The following CENPP variants were observed in gnomAD, a reference collection of about 807,000 sequenced individuals.
The protein encoded by CENPP is centromere protein P.
In CENPP, 24 loss-of-function variants were observed where a neutral mutation model predicts 35.6. The observed-to-expected ratio is 0.67, with a 90% confidence interval of 0.49 to 0.95. The LOEUF (loss-of-function observed/expected upper bound fraction) is 0.95. CENPP is among the 40% of genes least tolerant of loss of function. CENPP has a pLI of 0.00. For missense variants in CENPP, 332 were observed against 345.3 expected, an observed-to-expected ratio of 0.96 and a Z score of 0.31; for synonymous variants, 120 against 125.5, an observed-to-expected ratio of 0.96 and a Z score of 0.29.
At chr9:92,573,905 G>A (rs572234083) in intron 5 of CENPP, among the ~76,000 whole-genome samples, 32 of 152,310 alleles carry the variant, frequency 2.1e-4, no homozygotes, top group African/African-American at 5.8e-4. Flanking sequence ...AGCCAGGCGC[G>A]GGATGTAATC....
intron 5 of CENPP, among the ~76,000 whole-genome samples, chr9:92,430,576 G>A (rs942785383): frequency 6.6e-6 from 1 of 151,956 alleles, no homozygotes; most frequent in African/African-American, 2.4e-5. Context: ...CGCTAGTCTC[G>A]AACTCCTGAA....
chr9:92,412,975 C>CTTTTTTTTT (rs35323105), intron 5 of CENPP, among the ~76,000 whole-genome samples: 2 of 45,244 alleles, frequency 4.4e-5, no homozygotes, highest in Non-Finnish European at 7.9e-5. Flanking sequence ...TGTAACTAAG[C>CTTTTTTTTT]TTTTTTTTTT....
At chr9:92,522,906 A>G in intron 5 of CENPP, 2 of 1,554,304 alleles carry the variant, frequency 1.3e-6, no homozygotes, top group Non-Finnish European at 1.7e-6. Flanking sequence ...AGAATGAAAC[A>G]ATATTTCAAA....
At chr9:92,548,106 T>C (rs575226585) in intron 5 of CENPP, among the ~76,000 whole-genome samples, 24 of 152,298 alleles carry the variant, frequency 1.6e-4, no homozygotes, top group Middle Eastern at 3.4e-3. Context: ...TAAAAATAAA[T>C]AGTGGTTTGG....
intron 5 of CENPP, among the ~76,000 whole-genome samples, chr9:92,388,165 C>T (rs1842511989): frequency 6.6e-6 from 1 of 151,236 alleles, no homozygotes; most frequent in Non-Finnish European, 1.5e-5. Flanking sequence ...TTGATCAGCT[C>T]CTTTTTTTTT....
At chr9:92,431,696 TC>T (rs1844113454) in intron 5 of CENPP, among the ~76,000 whole-genome samples, 1 of 152,088 alleles carries the variant, frequency 6.6e-6, no homozygotes, top group Non-Finnish European at 1.5e-5. Flanking sequence ...TGCCTCAGCC[TC>T]CCGAGTAGCT....
intron 5 of CENPP, among the ~76,000 whole-genome samples, chr9:92,446,445 A>G (rs938670164): frequency 1.2e-4 from 19 of 152,302 alleles, no homozygotes; most frequent in African/African-American, 4.6e-4. Flanking sequence ...CATTGGGGAA[A>G]AATGCCGTTT....
intron 5 of CENPP, among the ~76,000 whole-genome samples, chr9:92,446,850 AAG>A (rs920207350): frequency 1.3e-5 from 2 of 151,820 alleles, no homozygotes; most frequent in African/African-American, 4.8e-5. Context: ...GAAAAACAGA[AAG>A]AGAGTGAGGG....
At chr9:92,395,664 G>A in intron 5 of CENPP, among the ~76,000 whole-genome samples, 1 of 152,156 alleles carries the variant, frequency 6.6e-6, no homozygotes, top group Non-Finnish European at 1.5e-5. Context: ...CCACATCCTT[G>A]CCAACATTTG....
At chr9:92,380,593 T>A (rs1390627652) in intron 5 of CENPP, among the ~76,000 whole-genome samples, 1 of 152,238 alleles carries the variant, frequency 6.6e-6, no homozygotes, top group African/African-American at 2.4e-5. Context: ...TTTATTCTAT[T>A]TGGTTGAGCT....
intron 5 of CENPP, among the ~76,000 whole-genome samples, chr9:92,578,755 G>A (rs1481232624): frequency 5.9e-5 from 9 of 151,706 alleles, no homozygotes; most frequent in Non-Finnish European, 1.2e-4. Flanking sequence ...TAGGTTGCCT[G>A]TTCACTCTGA....
chr9:92,335,326 T>C (rs1195690289), intron 2 of CENPP, among the ~76,000 whole-genome samples: 4 of 152,174 alleles, frequency 2.6e-5, no homozygotes, highest in Admixed American at 1.3e-4. Flanking sequence ...AGCCTAGAGA[T>C]TGGACAGATT....
intron 5 of CENPP, among the ~76,000 whole-genome samples, chr9:92,466,024 G>C (rs1478909284): frequency 1.3e-5 from 2 of 151,972 alleles, no homozygotes; most frequent in African/African-American, 4.8e-5. Flanking sequence ...GTAGAGACAG[G>C]GTTTTACTAT....
intron 5 of CENPP, among the ~76,000 whole-genome samples, chr9:92,482,859 T>G (rs1470437420): frequency 6.6e-6 from 1 of 152,006 alleles, no homozygotes; most frequent in Non-Finnish European, 1.5e-5. Flanking sequence ...GAACCATACT[T>G]TTTTTTTCTT....
chr9:92,398,727 T>C (rs887162816), intron 5 of CENPP, among the ~76,000 whole-genome samples: 4 of 152,206 alleles, frequency 2.6e-5, no homozygotes. Context: ...ATGCAATGCT[T>C]TAGTGATTTT....
chr9:92,580,278 C>G (rs1021048275), intron 5 of CENPP, among the ~76,000 whole-genome samples: 1 of 152,082 alleles, frequency 6.6e-6, no homozygotes, highest in African/African-American at 2.4e-5. Flanking sequence ...TTGGTTGTGT[C>G]TCTGCCCGGC....
intron 5 of CENPP, among the ~76,000 whole-genome samples, chr9:92,588,883 G>A (rs992238515): frequency 6.6e-6 from 1 of 152,190 alleles, no homozygotes; most frequent in African/African-American, 2.4e-5. Context: ...GCAAGAGTTA[G>A]TAAATCCCTA....
At chr9:92,505,751 G>T in intron 5 of CENPP, 1 of 1,388,114 alleles carries the variant, frequency 7.2e-7, no homozygotes, top group Non-Finnish European at 9.7e-7. Flanking sequence ...AATTTTTGTA[G>T]CCTTTTGAAA....
At chr9:92,372,099 CTTTTTTTTTTTTTT>C (rs71362382) in intron 4 of CENPP, among the ~76,000 whole-genome samples, 12 of 30,684 alleles carry the variant, frequency 3.9e-4, no homozygotes, top group East Asian at 3.1e-3. Context: ...TGCCAGCCAT[CTTTTTTTTTTTTTT>C]TTTTTTTTTT....
Sources: gnomAD v4.1 joint callset for allele counts (sites outside exome capture counted in the v4.1 genomes callset) on GRCh38, gnomAD v4.1.1 for gene constraint, MANE v1.5 for transcripts, NCBI Gene and HGNC (gene_info 2026-07-23, HGNC 2026-07-21) for gene names.